The following TCF7L1 variants were observed in gnomAD, a reference collection of about 807,000 sequenced individuals.
TCF7L1 encodes transcription factor 7-like 1.
A neutral mutation model predicts 63.7 loss-of-function variants in TCF7L1; 18 were observed. The ratio of observed to expected loss-of-function variants is 0.28; its 90% CI spans 0.20 to 0.42. TCF7L1 has a LOEUF of 0.42. TCF7L1 is among the 10% of genes least tolerant of loss of function. TCF7L1 has a pLI of 1.00. For missense variants in TCF7L1, 654 were observed against 779.3 expected, an observed-to-expected ratio of 0.84 and a Z score of 1.91; for synonymous variants, 355 against 340.9, an observed-to-expected ratio of 1.04 and a Z score of -0.46.
At chr2:85,206,508 T>C (rs892851642) in intron 3 of TCF7L1, among the ~76,000 whole-genome samples, 6 of 152,226 alleles carry the variant, frequency 3.9e-5, no homozygotes, top group Non-Finnish European at 8.8e-5. Context: ...TGGGTACTCT[T>C]TGTAAGTCAT....
chr2:85,281,681 T>C (rs1444838168), intron 3 of TCF7L1, among the ~76,000 whole-genome samples: 1 of 152,170 alleles, frequency 6.6e-6, no homozygotes, highest in Non-Finnish European at 1.5e-5. Context: ...GTGAAAAGAC[T>C]GTCCTAATTC....
At chr2:85,288,713 C>T (rs1031086284) in intron 4 of TCF7L1, among the ~76,000 whole-genome samples, 1 of 152,176 alleles carries the variant, frequency 6.6e-6, no homozygotes, top group Non-Finnish European at 1.5e-5. Context: ...TTGGACTTTA[C>T]ACCTTCAAAA....
chr2:85,200,763 A>G (rs1370254785), intron 3 of TCF7L1, among the ~76,000 whole-genome samples: 1 of 152,216 alleles, frequency 6.6e-6, no homozygotes, highest in Non-Finnish European at 1.5e-5. Flanking sequence ...TGGAATAAGC[A>G]GTTTACTGGA....
chr2:85,172,539 G>A (rs1326243713), intron 3 of TCF7L1, among the ~76,000 whole-genome samples: 4 of 152,154 alleles, frequency 2.6e-5, no homozygotes, highest in African/African-American at 9.7e-5. Flanking sequence ...CGATTCTCCT[G>A]CCTCAGCCTC....
At chr2:85,190,988 C>T (rs539138891) in intron 3 of TCF7L1, among the ~76,000 whole-genome samples, 1 of 152,168 alleles carries the variant, frequency 6.6e-6, no homozygotes. Flanking sequence ...ATTAATGACT[C>T]TGGTGCAGTG....
At chr2:85,247,266 CTT>C (rs1680488255) in intron 3 of TCF7L1, among the ~76,000 whole-genome samples, 1 of 152,218 alleles carries the variant, frequency 6.6e-6, no homozygotes, top group Non-Finnish European at 1.5e-5. Flanking sequence ...ACCTCTCCCT[CTT>C]ATACAAACAC....
intron 7 of TCF7L1, among the ~76,000 whole-genome samples, chr2:85,304,573 C>G (rs1370850673): frequency 1.3e-5 from 2 of 151,682 alleles, no homozygotes; most frequent in African/African-American, 2.4e-5. Flanking sequence ...CCCTAGCACT[C>G]TGCCTCCTGC....
At chr2:85,287,049 T>C (rs1408617219) in intron 4 of TCF7L1, among the ~76,000 whole-genome samples, 2 of 152,246 alleles carry the variant, frequency 1.3e-5, no homozygotes, top group East Asian at 3.8e-4. Flanking sequence ...TTCCTGTTCC[T>C]GTGAGCACCG....
At position 85,249,088 on chromosome 2, in the gene TCF7L1, T is replaced by G. The variant is rs528229233; in HGVS notation, c.442-34407T>G. ...TATCATAAGGAAATACCTAGCCTAA[T>G]GTCTGTTGGCAGACTATGACTGTTT... On this transcript the variant is annotated intron_variant, in intron 3 of 11. Transcript: ENST00000282111. 5.0e-4 allele frequency among the ~76,000 whole-genome samples: 76 copies of G among 152,344 alleles called. 1 individual carries two copies. In the South Asian group the frequency reaches 0.015, roughly 29 times the overall value.
Position 85,306,611 on chromosome 2 carries a change from C to A in TCF7L1, c.1257+52C>A. On this transcript the variant is annotated intron_variant, in intron 10 of 11. Coordinates refer to ENST00000282111, the MANE Select transcript of TCF7L1 (RefSeq NM_031283.3). The surrounding 1 kb of genome is among the most constrained non-coding windows in gnomAD (Gnocchi z 4.3). ...GCTCAGACCCCAGGAACAGCCTCTG[C>A]AAGAGGAGGAAGGGTGAAGGAAAGC... 6.9e-7 allele frequency: 1 copy of A among 1,440,380 alleles called. No individual in the cohort carries two copies. The highest frequency in any genetic ancestry group is 9.7e-7 in the Non-Finnish European group (1 of 1,029,272). The allele number at this position is 1,440,380 out of a possible 1,614,324, so 89.2% of individuals were successfully genotyped here. A position where few individuals can be genotyped will look rare whatever the true frequency, so the allele number is the denominator to read the frequency against.
At chr2:85,262,755 G>T (rs536851921) in intron 3 of TCF7L1, among the ~76,000 whole-genome samples, 2 of 152,324 alleles carry the variant, frequency 1.3e-5, no homozygotes, top group African/African-American at 4.8e-5. Context: ...GTGGTCCCTA[G>T]AGTTGGAGCC....
intron 3 of TCF7L1, among the ~76,000 whole-genome samples, chr2:85,180,147 G>C (rs1054005761): frequency 6.6e-6 from 1 of 151,968 alleles, no homozygotes; most frequent in Non-Finnish European, 1.5e-5. Flanking sequence ...TTTGAGAGAT[G>C]GGGAGGGAGA....
chr2:85,205,433 A>G (rs1679382426), intron 3 of TCF7L1, among the ~76,000 whole-genome samples: 1 of 152,156 alleles, frequency 6.6e-6, no homozygotes, highest in Non-Finnish European at 1.5e-5. Flanking sequence ...GTATCTTGAA[A>G]TGATGGACTC....
At chr2:85,289,677 AGTT>A (rs1308026371) in intron 4 of TCF7L1, among the ~76,000 whole-genome samples, 2 of 152,108 alleles carry the variant, frequency 1.3e-5, no homozygotes, top group Admixed American at 1.3e-4. Flanking sequence ...GATGGTTTCC[AGTT>A]GTTTGTTTGT....
intron 3 of TCF7L1, among the ~76,000 whole-genome samples, chr2:85,244,372 A>C (rs984382647): frequency 6.6e-6 from 1 of 152,238 alleles, no homozygotes; most frequent in Admixed American, 6.5e-5. Context: ...GAAGGGGTCA[A>C]GGGTAGAAAA....
At chr2:85,195,138 A>G (rs1448041806) in intron 3 of TCF7L1, among the ~76,000 whole-genome samples, 1 of 152,232 alleles carries the variant, frequency 6.6e-6, no homozygotes, top group Non-Finnish European at 1.5e-5. Context: ...CAAACCTTGT[A>G]ACCTTGAGCA....
intron 3 of TCF7L1, among the ~76,000 whole-genome samples, chr2:85,256,000 G>A (rs561574238): frequency 1.1e-3 from 171 of 152,292 alleles, no homozygotes; most frequent in African/African-American, 3.8e-3. Context: ...CCTGGCAAAT[G>A]GGAGGTTAAT....
chr2:85,256,164 C>T (rs569824872), intron 3 of TCF7L1, among the ~76,000 whole-genome samples: 2 of 152,166 alleles, frequency 1.3e-5, no homozygotes, highest in South Asian at 2.1e-4. Context: ...GTAACTAGTT[C>T]GGGCAGTTTC....
intron 3 of TCF7L1, among the ~76,000 whole-genome samples, chr2:85,225,490 C>CA (rs1269929303): frequency 5.9e-5 from 9 of 152,324 alleles, no homozygotes; most frequent in African/African-American, 1.9e-4. Context: ...AGAGGCCCTT[C>CA]ACATCCTTTG....
Sources: gnomAD v4.1 joint callset for allele counts (sites outside exome capture counted in the v4.1 genomes callset) on GRCh38, gnomAD v4.1.1 for gene constraint, Gnocchi (gnomAD v3.1) non-coding constraint, MANE v1.5 for transcripts, NCBI Gene and HGNC (gene_info 2026-07-23, HGNC 2026-07-21) for gene names.